The following HSD17B6 variants were observed in gnomAD, a reference collection of about 807,000 sequenced individuals.
HSD17B6 encodes the protein 17-beta-hydroxysteroid dehydrogenase type 6.
In HSD17B6, 16 loss-of-function variants were observed where a neutral mutation model predicts 26.4. That is an observed-to-expected ratio of 0.61 (90% CI 0.41 to 0.92). The LOEUF (loss-of-function observed/expected upper bound fraction) is 0.92. Among genes scored for constraint, HSD17B6 ranks in the 40% least tolerant of loss-of-function variants. The probability of loss-of-function intolerance (pLI) is 0.00; values close to 1 mark genes in which losing one functional copy is unlikely to be tolerated. For missense variants in HSD17B6, 357 were observed against 386.1 expected (o/e 0.92, Z 0.63); for synonymous variants, 139 against 153.0 (o/e 0.91, Z 0.68).
In HSD17B6 at chr12:56,782,850, A is replaced by C. The variant is rs1285799324; in HGVS notation, c.572+618A>C. Among the ~76,000 whole-genome samples the C allele has an allele frequency of 2.0e-5, 3 of 152,018 alleles. No individual in the cohort carries two copies. The East Asian group carries it at 5.8e-4, about 29-fold the overall frequency. On this transcript the variant is annotated intron_variant, in intron 3 of 4. Coordinates refer to ENST00000322165, the MANE Select transcript of HSD17B6 (RefSeq NM_003725.4). ...TAGGGAGTGGTGATGACTCTTAACG[A>C]GCATGCTGCCTTCAAGCATCTGTTT...
At chr12:56,779,039 C>T (rs1954654948) in intron 2 of HSD17B6, among the ~76,000 whole-genome samples, 1 of 152,048 alleles carries the variant, frequency 6.6e-6, no homozygotes, top group Non-Finnish European at 1.5e-5. Flanking sequence ...TTATGTGAGC[C>T]TCTTGTAAGT....
chr12:56,770,706 G>A (rs1031047626), intron 1 of HSD17B6, among the ~76,000 whole-genome samples: 1 of 152,144 alleles, frequency 6.6e-6, no homozygotes, highest in African/African-American at 2.4e-5. Context: ...TAAAAATGGG[G>A]AAGAGCAGTG....
chr12:56,767,955 A>ATGTG (rs913690377), intron 1 of HSD17B6, among the ~76,000 whole-genome samples: 8 of 148,166 alleles, frequency 5.4e-5, no homozygotes, highest in African/African-American at 2.0e-4. Flanking sequence ...GTGTGAAACC[A>ATGTG]TGTGTGTGTG....
At position 56,787,326 on chromosome 12, in the gene HSD17B6, C is replaced by G; in HGVS notation, c.938C>G (p.Pro313Arg). 6.2e-7 allele frequency: 1 copy of G among 1,612,940 alleles called. No homozygotes were observed. Among genetic ancestry groups the G allele is most frequent in the Non-Finnish European group, 8.5e-7 (1 of 1,179,130 alleles). ...ATTTTGACTAGATCTTGGCCCAAAC[C>G]AGCCCAGGCAGTCTAAAGAAAACTG... ...DYILTRSWPK[P>R]AQAV The change falls in exon 5 of 5, where the codon CCA becomes CGA. Residue 313 changes from proline to arginine, a missense_variant. By Grantham distance (103) the Pro-to-Arg change is moderately radical. Transcript: ENST00000322165.
Position 56,774,002 on chromosome 12 carries a change from T to C in HSD17B6, c.150T>C (p.Asp50=), listed in dbSNP as rs1190702217. The C allele has an allele frequency of 1.2e-6, 2 of 1,614,112 alleles. No individual in the cohort carries two copies. Among genetic ancestry groups the C allele is most frequent in the Non-Finnish European group, 1.7e-6 (2 of 1,179,996 alleles). The change falls in exon 2 of 5, where the codon GAT becomes GAC. Residue 50 remains aspartate, a synonymous_variant. Transcript: ENST00000322165. Reference sequence around the variant, plus strand: ...GGAACCTGCTGGCCAGACAGCTGGATGCACGAGGCTTGAGAGTGCTGGCTG... The same window carrying C: ...GGAACCTGCTGGCCAGACAGCTGGACGCACGAGGCTTGAGAGTGCTGGCTG... The part of the protein sequence containing the change: ...GFGNLLARQL[D]ARGLRVLAAC...
At chr12:56,767,585 A>G in intron 1 of HSD17B6, among the ~76,000 whole-genome samples, 1 of 144,336 alleles carries the variant, frequency 6.9e-6, no homozygotes, top group East Asian at 2.0e-4. Flanking sequence ...TATTGTGTAT[A>G]TATATTATAT....
chr12:56,780,821 C>A (rs568529368), intron 2 of HSD17B6, among the ~76,000 whole-genome samples: 2 of 144,648 alleles, frequency 1.4e-5, no homozygotes, highest in Non-Finnish European at 3.0e-5. Context: ...TGCACTCCAG[C>A]CTGGGCGAGA....
chr12:56,787,360 C>A lies in HSD17B6; in HGVS notation c.*18C>A, dbSNP rs1954902792. ...CAGTCTAAAGAAAACTGGGTTGGTG[C>A]TTCTTGGAATGAAGGCAAAAATCTG... On this transcript the variant is annotated 3_prime_UTR_variant, in exon 5 of 5. Coordinates refer to ENST00000322165, the MANE Select transcript of HSD17B6 (RefSeq NM_003725.4). 1.3e-6 allele frequency: 2 copies of A among 1,560,936 alleles called. No homozygotes were observed. The highest frequency in any genetic ancestry group is 1.8e-6 in the Non-Finnish European group (2 of 1,136,044).
intron 3 of HSD17B6, among the ~76,000 whole-genome samples, chr12:56,784,300 C>A (rs570459871): frequency 6.6e-6 from 1 of 151,848 alleles, no homozygotes; most frequent in African/African-American, 2.4e-5. Flanking sequence ...GCTGCAATCT[C>A]GGCATTTTGG....
intron 3 of HSD17B6, among the ~76,000 whole-genome samples, chr12:56,783,216 G>A (rs1464090797): frequency 1.3e-5 from 2 of 151,722 alleles, no homozygotes; most frequent in African/African-American, 2.4e-5. Context: ...CAGTAGGGGC[G>A]GCCGGGCAGA....
intron 3 of HSD17B6, among the ~76,000 whole-genome samples, chr12:56,783,060 A>G (rs1426200645): frequency 3.9e-5 from 6 of 152,230 alleles, no homozygotes; most frequent in Admixed American, 6.5e-5. Context: ...CAGACACGGC[A>G]ACCATCCGAT....
At chr12:56,783,682 G>A (rs1954795321) in intron 3 of HSD17B6, among the ~76,000 whole-genome samples, 1 of 138,602 alleles carries the variant, frequency 7.2e-6, no homozygotes, top group South Asian at 2.3e-4. Flanking sequence ...GGCTGGCCGG[G>A]CGGGGGGCTG....
intron 2 of HSD17B6, among the ~76,000 whole-genome samples, chr12:56,778,585 C>A (rs748334060): frequency 1.7e-4 from 25 of 149,942 alleles, no homozygotes; most frequent in Non-Finnish European, 3.4e-4. Flanking sequence ...CCTTTCTTCA[C>A]CAATTCTACT....
intron 2 of HSD17B6, among the ~76,000 whole-genome samples, chr12:56,780,308 A>G (rs1954685212): frequency 6.6e-6 from 1 of 152,230 alleles, no homozygotes; most frequent in Admixed American, 6.5e-5. Flanking sequence ...GACTTCTCTT[A>G]AAAACATAAT....
In HSD17B6 at chr12:56,774,039, G is replaced by A; in HGVS notation, c.187G>A (p.Glu63Lys). ...GAGAGTGCTGGCTGCGTGTCTGACGGAGAAGGGGGCCGAGCAGCTGAGGGG... is the reference window on the plus strand; with the variant it reads ...GAGAGTGCTGGCTGCGTGTCTGACGAAGAAGGGGGCCGAGCAGCTGAGGGG... ...GLRVLAACLT[E>K]KGAEQLRGQT... Residue 63 changes from glutamate to lysine, a missense_variant, in exon 2 of 5, where the codon GAG (glutamate) becomes AAG (lysine). By Grantham distance (56) the Glu-to-Lys change is moderately conservative (BLOSUM62 1). Transcript: ENST00000322165. 1 of 1,614,190 alleles carries A rather than the reference G, an allele frequency of 6.2e-7. No individual in the cohort carries two copies. The highest frequency in any genetic ancestry group is 8.5e-7 in the Non-Finnish European group (1 of 1,180,022).
chr12:56,775,935 AT>A (rs987626686), intron 2 of HSD17B6, among the ~76,000 whole-genome samples: 8 of 152,016 alleles, frequency 5.3e-5, no homozygotes, highest in African/African-American at 9.7e-5. Flanking sequence ...TTGGAATCAT[AT>A]TTTTTTGAGA....
chr12:56,777,908 C>T (rs1334459269), intron 2 of HSD17B6, among the ~76,000 whole-genome samples: 7 of 152,066 alleles, frequency 4.6e-5, no homozygotes, highest in African/African-American at 1.7e-4. Context: ...TTCTTAACTC[C>T]CCCAGGCAGA....
At chr12:56,785,940 C>G in intron 4 of HSD17B6, 1 of 985,160 alleles carries the variant, frequency 1.0e-6, no homozygotes, top group South Asian at 4.7e-5. Flanking sequence ...TGTCAATTTC[C>G]TATAAGAATA....
intron 2 of HSD17B6, among the ~76,000 whole-genome samples, chr12:56,775,146 G>A (rs894734825): frequency 2.6e-5 from 4 of 152,158 alleles, no homozygotes; most frequent in African/African-American, 4.8e-5. Flanking sequence ...CTTTTGTGGC[G>A]TTTCATTTCC....
Sources: allele counts gnomAD v4.1 joint callset (sites outside exome capture counted in the v4.1 genomes callset), GRCh38; gene constraint gnomAD v4.1.1; transcripts MANE v1.5; gene names NCBI Gene and HGNC (gene_info 2026-07-23, HGNC 2026-07-21).